Variants in ITPR2 observed in about 807,000 individuals in gnomAD.
ITPR2 encodes the protein inositol 1,4,5-trisphosphate receptor type 2.
In ITPR2, 207 loss-of-function variants were observed where a neutral mutation model predicts 317.1. The ratio of observed to expected loss-of-function variants is 0.65; its 90% CI spans 0.58 to 0.73. The LOEUF (loss-of-function observed/expected upper bound fraction) is 0.73. ITPR2 is among the 30% of genes least tolerant of loss of function. The pLI is 0.00. For synonymous variants in ITPR2, 1,156 were observed against 1,149.1 expected, an observed-to-expected ratio of 1.01 and a Z score of -0.12; for missense variants, 2,613 against 3,284.0, an observed-to-expected ratio of 0.80 and a Z score of 4.99.
At chr12:26,656,262 A>G (rs145560432) in intron 19 of ITPR2, 35 bp downstream of exon 19, 1 of 1,608,766 alleles carries the variant, frequency 6.2e-7, no homozygotes, top group African/African-American at 1.3e-5. Flanking sequence ...TCATCTGATG[A>G]ATTCCAAAGC....
intron 2 of ITPR2, among the ~76,000 whole-genome samples, chr12:26,728,113 T>A (rs1353290222): frequency 1.3e-5 from 2 of 152,144 alleles, no homozygotes; most frequent in Non-Finnish European, 2.9e-5. Flanking sequence ...AACGCTGAAC[T>A]CTTACAGACT....
chr12:26,352,529 T>C (rs563441707), intron 55 of ITPR2, among the ~76,000 whole-genome samples: 5 of 152,332 alleles, frequency 3.3e-5, no homozygotes, highest in African/African-American at 1.2e-4. Context: ...GTTTGCAACA[T>C]AGAACCACTG....
chr12:26,359,790 C>A (rs1006397822), intron 55 of ITPR2, among the ~76,000 whole-genome samples: 2 of 152,012 alleles, frequency 1.3e-5, no homozygotes, highest in Non-Finnish European at 2.9e-5. Context: ...TTTTCAGGGA[C>A]AAGCACATGG....
At chr12:26,529,175 A>G (rs1009021381) in intron 37 of ITPR2, among the ~76,000 whole-genome samples, 1 of 152,244 alleles carries the variant, frequency 6.6e-6, no homozygotes, top group Non-Finnish European at 1.5e-5. Flanking sequence ...ATCATAGATC[A>G]GATTTCACTT....
intron 5 of ITPR2, among the ~76,000 whole-genome samples, chr12:26,718,883 T>C (rs1363848637): frequency 6.6e-6 from 1 of 152,066 alleles, no homozygotes; most frequent in Admixed American, 6.6e-5. Flanking sequence ...AAGGATTACA[T>C]AGGCGTGAAC....
chr12:26,574,215 TA>T (rs76496267), intron 34 of ITPR2, among the ~76,000 whole-genome samples: 6,139 of 137,534 alleles, frequency 0.045, 119 homozygotes, highest in Middle Eastern at 0.08. Context: ...GGGAACCTGT[TA>T]AAAAAAAAAA....
chr12:26,503,646 A>G (rs1167620161), intron 37 of ITPR2, among the ~76,000 whole-genome samples: 1 of 152,204 alleles, frequency 6.6e-6, no homozygotes, highest in Non-Finnish European at 1.5e-5. Flanking sequence ...GATCTAAAGA[A>G]TTTTAATTAA....
chr12:26,724,398 T>C (rs1008338308), intron 4 of ITPR2, among the ~76,000 whole-genome samples: 3 of 152,216 alleles, frequency 2.0e-5, no homozygotes, highest in African/African-American at 7.2e-5. Flanking sequence ...TTCCTGACCC[T>C]CTTCTTTTTG....
At chr12:26,628,675 C>T (rs1246264426) in intron 22 of ITPR2, among the ~76,000 whole-genome samples, 2 of 152,136 alleles carry the variant, frequency 1.3e-5, no homozygotes, top group Non-Finnish European at 2.9e-5. Flanking sequence ...TTTGTGTTTC[C>T]TTGAGTTTGG....
At chr12:26,399,944 A>G (rs1940119085) in intron 53 of ITPR2, among the ~76,000 whole-genome samples, 184 bp downstream of exon 53, 1 of 152,234 alleles carries the variant, frequency 6.6e-6, no homozygotes, top group Admixed American at 6.5e-5. Flanking sequence ...ACACACAAAG[A>G]GTTGTAGTAC....
chr12:26,351,404 G>A (rs2171520), intron 55 of ITPR2, among the ~76,000 whole-genome samples: 92,267 of 152,118 alleles, frequency 0.61, 28,742 homozygotes, highest in African/African-American at 0.75. Flanking sequence ...GCATTCTCCC[G>A]GATCCCTATT....
intron 26 of ITPR2, among the ~76,000 whole-genome samples, chr12:26,612,450 T>G (rs149685584): frequency 5.9e-5 from 9 of 152,224 alleles, no homozygotes; most frequent in Non-Finnish European, 1.0e-4. Flanking sequence ...GCTGTTTCCA[T>G]TGATACTGTG....
chr12:26,489,973 T>G (rs186026368), intron 39 of ITPR2, among the ~76,000 whole-genome samples: 1 of 152,306 alleles, frequency 6.6e-6, no homozygotes, highest in Non-Finnish European at 1.5e-5. Context: ...ACTAGACCTC[T>G]TAGAGCCAGG....
At chr12:26,741,082 C>T (rs914951104) in intron 2 of ITPR2, among the ~76,000 whole-genome samples, 6 of 152,234 alleles carry the variant, frequency 3.9e-5, no homozygotes, top group Admixed American at 3.9e-4. Flanking sequence ...AGGAACTCTG[C>T]AATTGAGTGG....
At chr12:26,798,699 CTT>C (rs562789739) in intron 1 of ITPR2, among the ~76,000 whole-genome samples, 193 of 152,288 alleles carry the variant, frequency 1.3e-3, no homozygotes, top group Middle Eastern at 3.4e-3. Flanking sequence ...TCCAGAATAA[CTT>C]AAACAGAAAT....
At chr12:26,666,832 T>C (rs1216688748) in intron 13 of ITPR2, among the ~76,000 whole-genome samples, 3 of 152,218 alleles carry the variant, frequency 2.0e-5, no homozygotes, top group African/African-American at 7.2e-5. Context: ...TCTCTTCACT[T>C]TTCTCCTCCT....
At chr12:26,530,929 A>T (rs1943927799) in intron 37 of ITPR2, among the ~76,000 whole-genome samples, 1 of 152,154 alleles carries the variant, frequency 6.6e-6, no homozygotes, top group Admixed American at 6.5e-5. Context: ...TAAATCATAA[A>T]TTTTTTCAGA....
intron 34 of ITPR2, among the ~76,000 whole-genome samples, chr12:26,562,410 T>A (rs1024974922): frequency 1.3e-5 from 2 of 152,180 alleles, no homozygotes; most frequent in Non-Finnish European, 2.9e-5. Flanking sequence ...GTGTAAAACA[T>A]CTGCATTGGA....
At chr12:26,521,383 G>T (rs1023300199) in intron 37 of ITPR2, among the ~76,000 whole-genome samples, 1 of 151,986 alleles carries the variant, frequency 6.6e-6, no homozygotes, top group Non-Finnish European at 1.5e-5. Flanking sequence ...TCATATACTT[G>T]GTAATGCACT....
Sources: allele counts gnomAD v4.1 joint callset (sites outside exome capture counted in the v4.1 genomes callset), GRCh38; gene constraint gnomAD v4.1.1; transcripts MANE v1.5; gene names NCBI Gene and HGNC (gene_info 2026-07-23, HGNC 2026-07-21).